The following GPR39 variants were observed in gnomAD, a reference collection of about 807,000 sequenced individuals.
The protein encoded by GPR39 is G protein-coupled receptor 39.
Under a neutral mutation model 18.4 loss-of-function variants are expected in GPR39, and 23 were observed. The observed-to-expected ratio is 1.25, with a 90% confidence interval of 0.90 to 1.77. The LOEUF is 1.77. Ranked by LOEUF, GPR39 falls within the 40% of genes most tolerant of loss-of-function variation. GPR39 has a pLI of 0.00. For synonymous variants in GPR39, 280 were observed against 257.9 expected (o/e 1.09, Z -0.82); for missense variants, 647 against 602.4 (o/e 1.07, Z -0.78).
At chr2:132,589,373 T>G (rs928802635) in intron 1 of GPR39, among the ~76,000 whole-genome samples, 1 of 152,260 alleles carries the variant, frequency 6.6e-6, no homozygotes, top group Non-Finnish European at 1.5e-5. Context: ...AATGAGATTT[T>G]AATTGTCACG....
chr2:132,645,985 G>T lies in GPR39; in HGVS notation c.*379G>T. 3.1e-6 allele frequency: 4 copies of T among 1,285,532 alleles called. No homozygotes were observed. The highest frequency in any genetic ancestry group is 4.3e-6 in the Non-Finnish European group (4 of 939,206). 79.6% of individuals were successfully genotyped at this position (1,285,532 alleles called of 1,614,324 possible). ...CCAGAAGAAACTCACTCAGGGAGGT[G>T]GGGGGTTGGGGGCGAGGGCTGGAAG... On this transcript the variant is annotated 3_prime_UTR_variant, in exon 2 of 2. Transcript: ENST00000329321.
intron 1 of GPR39, among the ~76,000 whole-genome samples, chr2:132,570,820 C>T (rs1680429565): frequency 6.6e-6 from 1 of 152,148 alleles, no homozygotes; most frequent in African/African-American, 2.4e-5. Flanking sequence ...ATGGGTGTGG[C>T]TCTGCAGCAC....
At chr2:132,542,858 T>G (rs938921437) in intron 1 of GPR39, among the ~76,000 whole-genome samples, 3 of 152,244 alleles carry the variant, frequency 2.0e-5, no homozygotes, top group Non-Finnish European at 4.4e-5. Flanking sequence ...ACTACCCAGT[T>G]AGAGTTGGTG....
chr2:132,578,669 C>T (rs908171729), intron 1 of GPR39, among the ~76,000 whole-genome samples: 2 of 152,018 alleles, frequency 1.3e-5, no homozygotes, highest in African/African-American at 4.8e-5. Flanking sequence ...ATAGACTTAA[C>T]CACTATTCAC....
intron 1 of GPR39, among the ~76,000 whole-genome samples, chr2:132,549,768 CAG>C (rs1558835904): frequency 6.6e-6 from 1 of 151,944 alleles, no homozygotes; most frequent in Non-Finnish European, 1.5e-5. Flanking sequence ...AATCCGGTGA[CAG>C]AGCACGACTC....
At chr2:132,586,834 G>A (rs1408288649) in intron 1 of GPR39, among the ~76,000 whole-genome samples, 1 of 152,164 alleles carries the variant, frequency 6.6e-6, no homozygotes, top group Non-Finnish European at 1.5e-5. Flanking sequence ...CATGTACCTG[G>A]TTTCAAATGA....
chr2:132,492,502 A>G (rs1376523015), intron 1 of GPR39, among the ~76,000 whole-genome samples: 1 of 143,396 alleles, frequency 7.0e-6, no homozygotes, highest in Non-Finnish European at 1.5e-5. Flanking sequence ...CCATATATAC[A>G]CACCATATAT....
At chr2:132,463,306 G>A (rs1447301812) in intron 1 of GPR39, among the ~76,000 whole-genome samples, 1 of 151,018 alleles carries the variant, frequency 6.6e-6, no homozygotes, top group Non-Finnish European at 1.5e-5. Flanking sequence ...GAGAAAGCAG[G>A]GCTAGGGTTC....
At chr2:132,447,875 G>T (rs957372909) in intron 1 of GPR39, among the ~76,000 whole-genome samples, 4 of 152,168 alleles carry the variant, frequency 2.6e-5, no homozygotes, top group Non-Finnish European at 5.9e-5. Context: ...ACCAGTTGAG[G>T]AGAGAAAACT....
rs758254362 is a variant in GPR39 at position 132,645,124 on chromosome 2, G to T, written c.880G>T (p.Val294Leu). Residue 294 changes from valine (V) to leucine (L), a missense_variant, in exon 2 of 2, where the codon GTA becomes TTA. Around this residue, in one of 3 missense-constraint regions of GPR39, gnomAD observed 581 missense variants for 506.8 expected, o/e 1.15. Transcript: ENST00000329321. ...FLRLIVVTLA[V>L]CWMPNQIRRI... The stretch of plus-strand genomic sequence containing the variant: ...AGGGCTGATTGTTGTGACATTGGCC[G>T]TATGCTGGATGCCCAACCAGATTCG... 1.9e-6 allele frequency: 3 copies of T among 1,613,360 alleles called. No homozygotes were observed. The highest frequency in any genetic ancestry group is 2.5e-6 in the Non-Finnish European group (3 of 1,179,708).
chr2:132,623,201 G>A (rs1681477159), intron 1 of GPR39, among the ~76,000 whole-genome samples: 1 of 152,166 alleles, frequency 6.6e-6, no homozygotes, highest in South Asian at 2.1e-4. Flanking sequence ...AAAAGTCAGA[G>A]CTCAGTCCTC....
At chr2:132,572,763 C>A (rs1193096576) in intron 1 of GPR39, among the ~76,000 whole-genome samples, 3 of 152,058 alleles carry the variant, frequency 2.0e-5, no homozygotes, top group African/African-American at 7.2e-5. Context: ...TGCCTAAGTC[C>A]TAGGGAAGAA....
chr2:132,570,476 T>G (rs1023960368), intron 1 of GPR39, among the ~76,000 whole-genome samples: 2 of 152,118 alleles, frequency 1.3e-5, no homozygotes, highest in Non-Finnish European at 2.9e-5. Context: ...TTTTCAGGAG[T>G]CTTGCTGATC....
intron 1 of GPR39, among the ~76,000 whole-genome samples, chr2:132,498,996 C>T (rs1268977344): frequency 6.6e-6 from 1 of 152,092 alleles, no homozygotes; most frequent in African/African-American, 2.4e-5. Flanking sequence ...GAAGATTTCC[C>T]ACTCTGTGGG....
At chr2:132,566,768 A>G (rs1234739297) in intron 1 of GPR39, among the ~76,000 whole-genome samples, 2 of 152,346 alleles carry the variant, frequency 1.3e-5, no homozygotes, top group South Asian at 2.1e-4. Context: ...TGTGGTACAC[A>G]TAACGTTCCC....
At position 132,531,031 on chromosome 2, in the gene GPR39, A is replaced by G. The variant is rs557213024; in HGVS notation, c.856+113133A>G. Among the ~76,000 whole-genome samples, 9 of 152,362 alleles carry G rather than the reference A, an allele frequency of 5.9e-5. No individual in the cohort carries two copies. The East Asian group carries it at 1.5e-3, about 26-fold the overall frequency. ...TTAACCTTAAATGTAAATGGGTTAAATGCTCCAATTAAAAGACACAGACTG... is the reference window on the plus strand; with the variant it reads ...TTAACCTTAAATGTAAATGGGTTAAGTGCTCCAATTAAAAGACACAGACTG... On this transcript the variant is annotated intron_variant, in intron 1 of 1. Coordinates refer to ENST00000329321, the MANE Select transcript of GPR39 (RefSeq NM_001508.3).
Position 132,619,436 on chromosome 2 carries a change from G to A in GPR39, c.857-25665G>A, listed in dbSNP as rs188129543. Among the ~76,000 whole-genome samples, 18 of 152,238 alleles carry A rather than the reference G, an allele frequency of 1.2e-4. No homozygotes were observed. The South Asian group carries it at 2.7e-3, about 23-fold the overall frequency. ...ACCTCCACCCCTTGAGCCTTCAGGG[G>A]CAGAACCTTGTGGCAGGCAGTGACA... is the stretch of plus-strand genomic sequence containing the variant. On this transcript the variant is annotated intron_variant, in intron 1 of 1. Transcript: ENST00000329321.
chr2:132,507,492 T>C (rs1470727929), intron 1 of GPR39, among the ~76,000 whole-genome samples: 1 of 152,172 alleles, frequency 6.6e-6, no homozygotes, highest in Admixed American at 6.5e-5. Flanking sequence ...TACTAAAGAT[T>C]GAAAAGGATA....
chr2:132,599,338 G>T (rs577548270), intron 1 of GPR39, among the ~76,000 whole-genome samples: 2 of 152,082 alleles, frequency 1.3e-5, no homozygotes, highest in Non-Finnish European at 2.9e-5. Flanking sequence ...TGATACCTTT[G>T]TTTCGATGTG....
Sources: allele counts gnomAD v4.1 joint callset (sites outside exome capture counted in the v4.1 genomes callset), GRCh38; gene constraint gnomAD v4.1.1; regional missense constraint gnomAD v4.1.1; transcripts MANE v1.5; gene names NCBI Gene and HGNC (gene_info 2026-07-23, HGNC 2026-07-21).